Variants in GML observed in about 807,000 individuals in gnomAD.
GML encodes the protein glycosyl-phosphatidylinositol-anchored molecule-like protein.
GML carries 5 observed loss-of-function variants against 8.2 expected under a neutral mutation model. That is an observed-to-expected ratio of 0.61 (90% confidence interval 0.32 to 1.28). The LOEUF (loss-of-function observed/expected upper bound fraction) is 1.28. Among genes scored for constraint, GML ranks in the 50% most tolerant of loss-of-function variants. GML has a pLI of 0.06. For missense variants in GML, 191 were observed against 198.3 expected (o/e 0.96, Z 0.22); for synonymous variants, 72 against 69.0 (o/e 1.04, Z -0.22).
intron 1 of GML, among the ~76,000 whole-genome samples, chr8:142,838,853 A>G (rs1816381936): frequency 1.3e-5 from 2 of 152,196 alleles, no homozygotes; most frequent in African/African-American, 2.4e-5. Context: ...AGGAAATCAT[A>G]CAGTTACTGT....
intron 1 of GML, among the ~76,000 whole-genome samples, chr8:142,838,441 C>T (rs1438088899): frequency 1.3e-5 from 2 of 152,154 alleles, no homozygotes; most frequent in African/African-American, 2.4e-5. Flanking sequence ...GTATGTCCCC[C>T]TCCAGTGATG....
chr8:142,845,754 T>C (rs1816496045), intron 3 of GML, among the ~76,000 whole-genome samples: 1 of 152,176 alleles, frequency 6.6e-6, no homozygotes, highest in African/African-American at 2.4e-5. Flanking sequence ...CGTGATCACA[T>C]TAGTTGCGAT....
At chr8:142,839,706 C>T (rs953501421) in intron 1 of GML, among the ~76,000 whole-genome samples, 1 of 152,152 alleles carries the variant, frequency 6.6e-6, no homozygotes, top group Admixed American at 6.5e-5. Flanking sequence ...AGTAAGGGTG[C>T]AGTTGGGTCC....
chr8:142,842,278 CT>C (rs902876184), intron 3 of GML, among the ~76,000 whole-genome samples: 3 of 152,234 alleles, frequency 2.0e-5, no homozygotes, highest in African/African-American at 4.8e-5. Flanking sequence ...AGTTAAACCT[CT>C]TTCCTTTATA....
At chr8:142,842,303 CG>C (rs1816444935) in intron 3 of GML, among the ~76,000 whole-genome samples, 1 of 152,190 alleles carries the variant, frequency 6.6e-6, no homozygotes, top group Non-Finnish European at 1.5e-5. Context: ...TGCCCAGTCT[CG>C]GGCAGTTCTT....
chr8:142,842,208 C>T (rs1816443771), intron 3 of GML, among the ~76,000 whole-genome samples: 1 of 152,222 alleles, frequency 6.6e-6, no homozygotes, highest in African/African-American at 2.4e-5. Context: ...GTGTTTGCTA[C>T]CCCTTCTGCT....
chr8:142,846,410 A>C lies in GML; in HGVS notation c.197A>C (p.Glu66Ala), dbSNP rs969542167. 1.9e-6 allele frequency: 3 copies of C among 1,593,082 alleles called. No individual in the cohort carries two copies. The highest frequency in any genetic ancestry group is 2.6e-6 in the Non-Finnish European group (3 of 1,168,164). ...CTTTTTTTAGGCATAAATTCTCGTG[A>C]ACTACTTGTTTATAAGAACTGTACA... ...MTISIRINSR[E>A]LLVYKNCTNN... Residue 66 changes from glutamate to alanine, a missense_variant, in exon 4 of 4, where the codon GAA becomes GCA. Transcript: ENST00000220940.
chr8:142,838,515 G>T (rs1405604453), intron 1 of GML, among the ~76,000 whole-genome samples: 2 of 152,044 alleles, frequency 1.3e-5, no homozygotes, highest in African/African-American at 4.8e-5. Context: ...TTTGTGTCTG[G>T]GGTTTATGAT....
intron 1 of GML, among the ~76,000 whole-genome samples, chr8:142,837,042 C>T (rs747038954): frequency 6.6e-5 from 10 of 152,094 alleles, no homozygotes; most frequent in Non-Finnish European, 1.3e-4. Context: ...ACCTGTAATC[C>T]CAGCACTTTG....
chr8:142,844,472 A>C (rs970498645), intron 3 of GML, among the ~76,000 whole-genome samples: 7 of 152,352 alleles, frequency 4.6e-5, no homozygotes, highest in African/African-American at 1.7e-4. Context: ...CTTTAACTTC[A>C]AAACTTCTGT....
At chr8:142,843,932 A>G (rs528723782) in intron 3 of GML, among the ~76,000 whole-genome samples, 6 of 152,350 alleles carry the variant, frequency 3.9e-5, no homozygotes, top group African/African-American at 1.4e-4. Flanking sequence ...ATCCAAAAGA[A>G]TTTCAGTCAA....
chr8:142,838,280 T>C (rs1474419852), intron 1 of GML, among the ~76,000 whole-genome samples: 1 of 152,146 alleles, frequency 6.6e-6, no homozygotes, highest in Non-Finnish European at 1.5e-5. Flanking sequence ...CTCCAATCAT[T>C]CCTATATGGG....
chr8:142,836,703 C>G (rs1034140857), intron 1 of GML, among the ~76,000 whole-genome samples: 4 of 152,154 alleles, frequency 2.6e-5, no homozygotes, highest in Non-Finnish European at 5.9e-5. Context: ...TCTCCTCTCT[C>G]CAGGAGCCTG....
At chr8:142,841,601 C>T (rs942641232) in intron 3 of GML, among the ~76,000 whole-genome samples, 5 of 152,138 alleles carry the variant, frequency 3.3e-5, no homozygotes, top group Admixed American at 1.3e-4. Flanking sequence ...GCTTCCAGCT[C>T]GGCAGGTCAA....
At chr8:142,839,729 G>A (rs569443307) in intron 1 of GML, among the ~76,000 whole-genome samples, 1 of 152,304 alleles carries the variant, frequency 6.6e-6, no homozygotes, top group South Asian at 2.1e-4. Context: ...GCGAGAAAAT[G>A]TCTCAGTTGT....
intron 1 of GML, among the ~76,000 whole-genome samples, chr8:142,837,948 C>T (rs1295047161): frequency 1.3e-5 from 2 of 148,902 alleles, no homozygotes; most frequent in African/African-American, 2.5e-5. Context: ...TCCCCGTGAG[C>T]CAAGACGGCA....
intron 3 of GML, among the ~76,000 whole-genome samples, chr8:142,846,065 G>A (rs1816500041): frequency 6.6e-6 from 1 of 152,164 alleles, no homozygotes; most frequent in South Asian, 2.1e-4. Flanking sequence ...TCGGGCTCTA[G>A]AATTCTTACC....
intron 1 of GML, among the ~76,000 whole-genome samples, 183 bp from the exon 2 acceptor site, chr8:142,840,233 G>T (rs1158744194): frequency 6.6e-6 from 1 of 152,206 alleles, no homozygotes; most frequent in African/African-American, 2.4e-5. Context: ...GCCTGGCGAA[G>T]CCTCGTGTGT....
At chr8:142,843,205 C>T (rs1200271829) in intron 3 of GML, among the ~76,000 whole-genome samples, 1 of 150,104 alleles carries the variant, frequency 6.7e-6, no homozygotes, top group Non-Finnish European at 1.5e-5. Flanking sequence ...TCTGCACTAT[C>T]TCTGCAACTT....
Sources: allele counts gnomAD v4.1 joint callset (sites outside exome capture counted in the v4.1 genomes callset), GRCh38; gene constraint gnomAD v4.1.1; transcripts MANE v1.5; gene names NCBI Gene and HGNC (gene_info 2026-07-23, HGNC 2026-07-21).